The following FBXO44 variants were observed in gnomAD, a reference collection of about 807,000 sequenced individuals.
FBXO44 encodes the protein F-box protein 44, also known as F-box only protein 44.
FBXO44 carries 25 observed loss-of-function variants against 33.5 expected under a neutral mutation model. The ratio of observed to expected loss-of-function variants is 0.75; its 90% CI spans 0.54 to 1.04. The LOEUF (loss-of-function observed/expected upper bound fraction) is 1.04. Among genes scored for constraint, FBXO44 ranks in the 50% least tolerant of loss-of-function variants. The pLI, the probability that FBXO44 is intolerant of heterozygous loss-of-function variation, is 0.00. For missense variants in FBXO44, 311 were observed against 344.0 expected, an observed-to-expected ratio of 0.90 and a Z score of 0.76; for synonymous variants, 147 against 152.8, an observed-to-expected ratio of 0.96 and a Z score of 0.28.
chr1:11,661,219 G>C lies in FBXO44; in HGVS notation c.714G>C (p.Trp238Cys), dbSNP rs1328787375. The C allele has an allele frequency of 6.2e-7, 1 of 1,614,116 alleles. No individual in the cohort carries two copies. The highest frequency in any genetic ancestry group is 8.5e-7 in the Non-Finnish European group (1 of 1,180,018). The change falls in exon 6 of 6, where the codon TGG becomes TGC. Residue 238 changes from tryptophan (W) to cysteine (C), a missense_variant. By Grantham distance (215) the Trp-to-Cys change is radical (BLOSUM62 -2). Coordinates refer to ENST00000251547, the MANE Select transcript of FBXO44 (RefSeq NM_033182.7). This position sits in a 1 kb window ranked among gnomAD's most constrained non-coding sequence, Gnocchi z 4.4. Reference sequence around the variant, plus strand: ...TGGACACTCATTACTGGGCCGGCTGGTACGGCCCGAGGGTCACCAACAGCA... The same window carrying C: ...TGGACACTCATTACTGGGCCGGCTGCTACGGCCCGAGGGTCACCAACAGCA... ...GGVDTHYWAG[W>C]YGPRVTNSSI...
In FBXO44 at chr1:11,661,111, C is replaced by T. The variant is rs371782729; in HGVS notation, c.625-19C>T. 9.4e-6 allele frequency: 15 copies of T among 1,602,580 alleles called. No individual in the cohort carries two copies. In the African/African-American group the frequency reaches 1.2e-4, roughly 13 times the overall value. On this transcript the variant is annotated intron_variant, in intron 5 of 5. Coordinates refer to ENST00000251547, the MANE Select transcript of FBXO44 (RefSeq NM_033182.7). The surrounding 1 kb of genome is among the most constrained non-coding windows in gnomAD (Gnocchi z 4.4). ...GTCAGCTCCCTTGACCTTTCTCCCC[C>T]CTCTACCTGCCCTGCCAGGTCTCCC...
In FBXO44 at chr1:11,658,382, T is replaced by C; in HGVS notation, c.381T>C (p.Val127=). The C allele has an allele frequency of 6.2e-7, 1 of 1,613,840 alleles. No homozygotes were observed. The highest frequency in any genetic ancestry group is 8.5e-7 in the Non-Finnish European group (1 of 1,179,928). Residue 127 remains valine (V), a synonymous_variant, in exon 3 of 6, where the codon GTT becomes GTC. Coordinates refer to ENST00000251547, the MANE Select transcript of FBXO44 (RefSeq NM_033182.7). ...FPNDQVKKYF[V]TSYYTCLKSQ... is the part of the protein sequence containing the mutation. ...ATGACCAGGTCAAGAAATACTTCGT[T>C]ACTTCATATTAGTAAGATCCGGGGA...
chr1:11,658,165 C>A (rs1443380968), intron 2 of FBXO44, 102 bp from the exon 3 acceptor site: 1 of 1,578,772 alleles, frequency 6.3e-7, no homozygotes, highest in African/African-American at 1.4e-5. Context: ...GGCTTGAGGG[C>A]AGCCGCCAAG....
chr1:11,655,627 A>C (rs1246587035), intron 1 of FBXO44, 179 bp from the exon 2 acceptor site: 1 of 631,412 alleles, frequency 1.6e-6, no homozygotes, highest in Non-Finnish European at 2.7e-6. Context: ...CAGAGAAAAA[A>C]ATCAGAGCTC....
chr1:11,661,356 G>A lies in FBXO44; in HGVS notation c.*83G>A. The A allele has an allele frequency of 6.3e-7, 1 of 1,584,378 alleles. No individual in the cohort carries two copies. Among genetic ancestry groups the A allele is most frequent in the East Asian group, 2.2e-5 (1 of 44,514 alleles). On this transcript the variant is annotated 3_prime_UTR_variant, in exon 6 of 6. Transcript: ENST00000251547. The surrounding 1 kb of genome is among the most constrained non-coding windows in gnomAD (Gnocchi z 4.4). The stretch of plus-strand genomic sequence containing the variant: ...GGGCTGGGCTTGGGAAGGGGAGGTG[G>A]AGGCCAGGTGTCCCCAGACCTCTAA...
At position 11,656,209 on chromosome 1, in the gene FBXO44, A is replaced by C. The variant is rs1639784260; in HGVS notation, c.265+109A>C. ...GTACTTTGGATGGTTTAACACCTTT[A>C]CTTCTCTCACAGTAACCCAAAGAGG... is the stretch of plus-strand genomic sequence containing the variant. On this transcript the variant is annotated intron_variant, in intron 2 of 5. Coordinates refer to ENST00000251547, the MANE Select transcript of FBXO44 (RefSeq NM_033182.7). 4 of 1,433,286 alleles carry C rather than the reference A, an allele frequency of 2.8e-6. No homozygotes were observed. The East Asian group carries it at 9.4e-5, about 34-fold the overall frequency. The allele number at this position is 1,433,286 out of a possible 1,614,324, so 88.8% of individuals were successfully genotyped here. A position where few individuals can be genotyped will look rare whatever the true frequency, so the allele number is the denominator to read the frequency against.
upstream of FBXO44, chr1:11,654,501 G>C (rs926356550): frequency 1.7e-5 from 10 of 579,524 alleles, no homozygotes; most frequent in Admixed American, 4.5e-5. Context: ...CTGGCCCCGC[G>C]CCCGGCCGCC....
Position 11,661,148 on chromosome 1 carries a change from A to T in FBXO44, c.643A>T (p.Asn215Tyr). ...KWREVSHTFS[N>Y]YPPGVRYIWF... ...CTGCCAGGTCTCCCACACATTCTCC[A>T]ACTACCCGCCCGGCGTCCGCTACAT... The change falls in exon 6 of 6, where the codon AAC becomes TAC. Residue 215 changes from asparagine (N) to tyrosine (Y), a missense_variant. Physicochemically the swap from Asn to Tyr is moderately radical, Grantham distance 143. Transcript: ENST00000251547. The surrounding 1 kb of genome is among the most constrained non-coding windows in gnomAD (Gnocchi z 4.4). 6.2e-7 allele frequency: 1 copy of T among 1,612,842 alleles called. No homozygotes were observed. Among genetic ancestry groups the T allele is most frequent in the Non-Finnish European group, 8.5e-7 (1 of 1,179,260 alleles).
intron 3 of FBXO44, 36 bp downstream of exon 3, chr1:11,658,429 A>G (rs1305544844): frequency 6.2e-7 from 1 of 1,613,320 alleles, no homozygotes; most frequent in South Asian, 1.1e-5. Context: ...GGAAAGCCCA[A>G]ATCAATTTAC....
intron 5 of FBXO44, among the ~76,000 whole-genome samples, chr1:11,660,768 TTG>T (rs1455270895): frequency 6.6e-6 from 1 of 152,038 alleles, no homozygotes; most frequent in Non-Finnish European, 1.5e-5. Flanking sequence ...CCCACCCTTT[TTG>T]TTAAGGCTCA....
chr1:11,657,833 G>A (rs1459519721), intron 2 of FBXO44, among the ~76,000 whole-genome samples: 1 of 152,148 alleles, frequency 6.6e-6, no homozygotes, highest in African/African-American at 2.4e-5. Flanking sequence ...ATAGTATGTG[G>A]GCCACAAGTC....
Position 11,656,036 on chromosome 1 carries a change from C to A in FBXO44, c.201C>A (p.Asp67Glu). 6.2e-7 allele frequency: 1 copy of A among 1,614,204 alleles called. No individual in the cohort carries two copies. The highest frequency in any genetic ancestry group is 2.2e-5 in the East Asian group (1 of 44,878). Reference protein sequence around the residue: ...ITEDWDQPVADWKIFYFLRSL... With the variant: ...ITEDWDQPVAEWKIFYFLRSL... ...AGGACTGGGACCAGCCCGTGGCCGA[C>A]TGGAAGATCTTCTACTTCTTACGGA... Residue 67 changes from aspartate (D) to glutamate (E), a missense_variant, in exon 2 of 6, where the codon GAC becomes GAA. Coordinates refer to ENST00000251547, the MANE Select transcript of FBXO44 (RefSeq NM_033182.7).
At chr1:11,658,657 G>A (rs1306609128) in intron 4 of FBXO44, 29 bp downstream of exon 4, 1 of 1,605,326 alleles carries the variant, frequency 6.2e-7, no homozygotes, top group Non-Finnish European at 8.5e-7. Context: ...GGTCTGGGGT[G>A]GGGCATGCCA....
intron 2 of FBXO44, among the ~76,000 whole-genome samples, chr1:11,657,166 T>C (rs182654818): frequency 3.0e-4 from 45 of 152,312 alleles, no homozygotes; most frequent in Middle Eastern, 3.4e-3. Flanking sequence ...TTAATAATTG[T>C]TCTAATAATT....
rs762726808 is a variant in FBXO44 at position 11,658,818 on chromosome 1, TTCCAGCCAGACCCGGCGACCA to T, written c.578_598del (p.Pro193_Gln199del). 3 of 1,613,360 alleles carry T rather than the reference TTCCAGCCAGACCCGGCGACCA, an allele frequency of 1.9e-6. No homozygotes were observed. In the South Asian group the frequency reaches 3.3e-5, roughly 18 times the overall value. On this transcript the variant is annotated inframe_deletion, in exon 5 of 6. Coordinates refer to ENST00000251547, the MANE Select transcript of FBXO44 (RefSeq NM_033182.7). ...GTCCGCGCACGCGCCTCTGGGGACC[TTCCAGCCAGACCCGGCGACCA>T]TCCAGCAGAAGAGCGATGCCAAGTG...
At position 11,662,663 on chromosome 1, in the gene FBXO44, G is replaced by C. The variant is rs975823078; in HGVS notation, c.*1390G>C. ...GGATGAAGCCGAAGCATTTAGAATG[G>C]TGCCTGGCACACAGTTGGTGCGTGA... On this transcript the variant is annotated 3_prime_UTR_variant, in exon 6 of 6. Transcript: ENST00000251547. 1.3e-5 allele frequency: 2 copies of C among 152,270 alleles called. No homozygotes were observed. The highest frequency in any genetic ancestry group is 2.4e-5 in the African/African-American group (1 of 41,462). 9.4% of individuals were successfully genotyped at this position (152,270 alleles called of 1,614,324 possible).
chr1:11,654,519 C>T, upstream of FBXO44: 1 of 472,378 alleles, frequency 2.1e-6, no homozygotes, highest in Non-Finnish European at 3.4e-6. Context: ...GCCCCGCAGT[C>T]CCAGCAGTCT....
chr1:11,656,251 A>C, intron 2 of FBXO44, 151 bp downstream of exon 2: 1 of 1,069,326 alleles, frequency 9.4e-7, no homozygotes, highest in Non-Finnish European at 1.3e-6. Flanking sequence ...CTGTTAGTGC[A>C]CACATTTTTC....
chr1:11,658,958 C>T, intron 5 of FBXO44, 87 bp downstream of exon 5: 2 of 1,518,908 alleles, frequency 1.3e-6, no homozygotes, highest in Non-Finnish European at 1.8e-6. Context: ...GATCCAAGCT[C>T]TGCACCTTCT....
Sources: gnomAD v4.1 joint callset for allele counts (sites outside exome capture counted in the v4.1 genomes callset) on GRCh38, gnomAD v4.1.1 for gene constraint, Gnocchi (gnomAD v3.1) non-coding constraint, MANE v1.5 for transcripts, NCBI Gene and HGNC (gene_info 2026-07-23, HGNC 2026-07-21) for gene names.